The following FRMD4A variants were observed in gnomAD, a reference collection of about 807,000 sequenced individuals.
The protein encoded by FRMD4A is FERM domain-containing protein 4A.
Under a neutral mutation model 129.1 loss-of-function variants are expected in FRMD4A, and 29 were observed. The observed-to-expected ratio is 0.22, with a 90% CI of 0.17 to 0.31. The LOEUF is 0.31. FRMD4A is among the 10% of genes least tolerant of loss of function. The pLI is 1.00. For synonymous variants in FRMD4A, 634 were observed against 571.6 expected, an observed-to-expected ratio of 1.11 and a Z score of -1.56; for missense variants, 1,272 against 1,375.8, an observed-to-expected ratio of 0.92 and a Z score of 1.19.
At chr10:13,805,939 C>A (rs1290469854) in intron 4 of FRMD4A, among the ~76,000 whole-genome samples, 1 of 152,090 alleles carries the variant, frequency 6.6e-6, no homozygotes, top group Non-Finnish European at 1.5e-5. Context: ...CTCACTGCAA[C>A]CTCCACCTCC....
At chr10:14,177,036 C>T (rs1841753821) in intron 2 of FRMD4A, among the ~76,000 whole-genome samples, 1 of 152,160 alleles carries the variant, frequency 6.6e-6, no homozygotes, top group Non-Finnish European at 1.5e-5. Context: ...AAGCTGCATC[C>T]ATTATTTGCT....
intron 2 of FRMD4A, among the ~76,000 whole-genome samples, chr10:13,902,809 C>T (rs953371937): frequency 6.8e-6 from 1 of 147,278 alleles, no homozygotes; most frequent in African/African-American, 2.5e-5. Context: ...CACTGCACTC[C>T]AGCCTGGATG....
At chr10:13,994,591 C>T (rs1053949953) in intron 2 of FRMD4A, among the ~76,000 whole-genome samples, 3 of 152,146 alleles carry the variant, frequency 2.0e-5, no homozygotes, top group Non-Finnish European at 4.4e-5. Flanking sequence ...TGCTCTTTTA[C>T]TTGTAGAAAT....
chr10:14,094,125 G>A (rs2131758692), intron 2 of FRMD4A, among the ~76,000 whole-genome samples: 1 of 152,380 alleles, frequency 6.6e-6, no homozygotes, highest in Middle Eastern at 3.4e-3. Flanking sequence ...GAGCAGCTCA[G>A]GTGAGCAACT....
At chr10:14,053,867 A>G (rs903418567) in intron 2 of FRMD4A, among the ~76,000 whole-genome samples, 2 of 152,126 alleles carry the variant, frequency 1.3e-5, no homozygotes, top group African/African-American at 4.8e-5. Context: ...CTACAAAAAA[A>G]TGAAAAAACT....
At chr10:14,095,791 T>C (rs1363552192) in intron 2 of FRMD4A, among the ~76,000 whole-genome samples, 1 of 152,246 alleles carries the variant, frequency 6.6e-6, no homozygotes, top group Non-Finnish European at 1.5e-5. Context: ...GACCCACTTC[T>C]CCAGAGTTTA....
chr10:14,264,758 A>G (rs1271649235), intron 2 of FRMD4A, among the ~76,000 whole-genome samples: 3 of 152,158 alleles, frequency 2.0e-5, no homozygotes, highest in Non-Finnish European at 4.4e-5. Context: ...GTAATCCATT[A>G]ACATTATCCC....
chr10:13,892,889 C>G (rs1197278041), intron 2 of FRMD4A, among the ~76,000 whole-genome samples: 1 of 152,188 alleles, frequency 6.6e-6, no homozygotes, highest in Non-Finnish European at 1.5e-5. Flanking sequence ...TTTCCAGTCA[C>G]AGGTCCTGTG....
chr10:13,865,527 T>C (rs1041941643), intron 2 of FRMD4A, among the ~76,000 whole-genome samples: 1 of 151,632 alleles, frequency 6.6e-6, no homozygotes, highest in Non-Finnish European at 1.5e-5. Flanking sequence ...CATAGCTCAC[T>C]GCAGCTTCAA....
At chr10:14,110,698 T>C (rs575807465) in intron 2 of FRMD4A, among the ~76,000 whole-genome samples, 2 of 152,364 alleles carry the variant, frequency 1.3e-5, no homozygotes, top group South Asian at 4.1e-4. Flanking sequence ...TGAAAACCAC[T>C]GCAGAGGCAT....
rs1297911717 is a variant in FRMD4A at position 13,644,736 on chromosome 10, G to A, written c.*2302C>T. ...CACACAGTTCAGTCTGACTATCCAT[G>A]AATCTTCTTTGGGAGAAAGAAAAAT... On this transcript the variant is annotated 3_prime_UTR_variant, in exon 25 of 25. Coordinates refer to ENST00000357447, the MANE Select transcript of FRMD4A (RefSeq NM_018027.5). 1 of 151,710 alleles carries A rather than the reference G, an allele frequency of 6.6e-6. No homozygotes were observed. The highest frequency in any genetic ancestry group is 1.5e-5 in the Non-Finnish European group (1 of 68,002). The allele number at this position is 151,710 out of a possible 1,614,324, so 9.4% of individuals were successfully genotyped here.
intron 15 of FRMD4A, among the ~76,000 whole-genome samples, chr10:13,691,566 C>T (rs984757201): frequency 6.6e-6 from 1 of 152,198 alleles, no homozygotes; most frequent in African/African-American, 2.4e-5. Flanking sequence ...CCAGCAGCAT[C>T]AGCCTCACTC....
intron 2 of FRMD4A, among the ~76,000 whole-genome samples, chr10:14,283,857 G>A (rs184140527): frequency 2.0e-4 from 31 of 152,216 alleles, no homozygotes; most frequent in Non-Finnish European, 3.5e-4. Flanking sequence ...GATTTATAAC[G>A]GAGCCAGGCC....
chr10:14,300,894 T>C (rs1455635734), intron 2 of FRMD4A, among the ~76,000 whole-genome samples: 1 of 152,200 alleles, frequency 6.6e-6, no homozygotes, highest in African/African-American at 2.4e-5. Flanking sequence ...TGGAATATCA[T>C]GTTTCATAAG....
chr10:13,982,688 C>T (rs970048350), intron 2 of FRMD4A, among the ~76,000 whole-genome samples: 2 of 152,208 alleles, frequency 1.3e-5, no homozygotes, highest in Non-Finnish European at 2.9e-5. Context: ...GTTGTATTAT[C>T]TACATGGCTG....
intron 2 of FRMD4A, among the ~76,000 whole-genome samples, chr10:14,297,341 G>A (rs951519801): frequency 1.3e-5 from 2 of 152,086 alleles, no homozygotes; most frequent in Non-Finnish European, 2.9e-5. Flanking sequence ...TATTCCTGCA[G>A]CTCTAATCAT....
At position 13,659,458 on chromosome 10, in the gene FRMD4A, C is replaced by A. The variant is rs9664466; in HGVS notation, c.1931G>T (p.Cys644Phe). The change falls in exon 21 of 25, where the codon TGT becomes TTT. Residue 644 changes from cysteine (C) to phenylalanine (F), a missense_variant. By Grantham distance (205) the Cys-to-Phe change is radical. Transcript: ENST00000357447. Reference sequence around the variant, plus strand: ...GTTGCTTCCTCCGCCGGCTTCCGCACAGCTTCCTGTGCTGGGGAAGCGCTT... The same window carrying A: ...GTTGCTTCCTCCGCCGGCTTCCGCAAAGCTTCCTGTGCTGGGGAAGCGCTT... ...SHKRFPSTGS[C>F]AEAGGGSNSL... 2.0e-5 allele frequency: 33 copies of A among 1,613,610 alleles called. No individual in the cohort carries two copies. The African/African-American group carries it at 3.7e-4, about 18-fold the overall frequency.
chr10:14,124,374 A>G (rs1838710032), intron 2 of FRMD4A, among the ~76,000 whole-genome samples: 1 of 152,176 alleles, frequency 6.6e-6, no homozygotes, highest in South Asian at 2.1e-4. Context: ...AGCAAACTGA[A>G]GCTCAGACGA....
chr10:13,712,020 T>C (rs1432823163), intron 12 of FRMD4A: 6 of 152,228 alleles, frequency 3.9e-5, no homozygotes, highest in Non-Finnish European at 8.8e-5. Context: ...TGACTGTAAG[T>C]AGAAAGTAAA....
Sources: gnomAD v4.1 joint callset for allele counts (sites outside exome capture counted in the v4.1 genomes callset) on GRCh38, gnomAD v4.1.1 for gene constraint, MANE v1.5 for transcripts, NCBI Gene and HGNC (gene_info 2026-07-23, HGNC 2026-07-21) for gene names.